PXN: variants seen among roughly 807,000 people sequenced by gnomAD.
The protein encoded by PXN is paxillin.
Under a neutral mutation model 103.6 loss-of-function variants are expected in PXN, and 61 were observed. The observed-to-expected ratio is 0.59, with a 90% CI of 0.48 to 0.73. The LOEUF (loss-of-function observed/expected upper bound fraction) is 0.73, where lower values mean the gene tolerates loss of function less well. Among genes scored for constraint, PXN ranks in the 30% least tolerant of loss-of-function variants. PXN has a pLI of 0.00. For synonymous variants in PXN, 562 were observed against 607.8 expected (o/e 0.92, Z 1.11); for missense variants, 1,274 against 1,460.3 (o/e 0.87, Z 2.08).
intron 1 of PXN, among the ~76,000 whole-genome samples, chr12:120,251,813 T>A (rs1394128912): frequency 1.3e-5 from 2 of 151,906 alleles, no homozygotes; most frequent in African/African-American, 4.8e-5. Context: ...CGAGACTTGG[T>A]CTCAAAAATA....
chr12:120,260,513 A>AG (rs1191983000), intron 1 of PXN, among the ~76,000 whole-genome samples: 2 of 151,398 alleles, frequency 1.3e-5, no homozygotes, highest in Admixed American at 1.3e-4. Context: ...AAAAAAAAAA[A>AG]AGAACAAAAG....
At position 120,219,656 on chromosome 12, in the gene PXN, T is replaced by A. The variant is rs1429902834; in HGVS notation, c.1267A>T (p.Ser423Cys). Residue 423 changes from serine (S) to cysteine (C), a missense_variant, in exon 7 of 15, where the codon AGC becomes TGC. Ser to Cys is a moderately radical substitution (Grantham distance 112, BLOSUM62 -1). Around this residue, in one of 2 missense-constraint regions of PXN, gnomAD observed 1,178 missense variants for 1,309.0 expected, o/e 0.90. Coordinates refer to ENST00000637617, the MANE Select transcript of PXN (RefSeq NM_001385981.1). The surrounding 1 kb of genome is among the most constrained non-coding windows in gnomAD (Gnocchi z 6.5). Reference protein sequence around the residue: ...EPGEPQGPPASPSCPEEALAA... With the variant: ...EPGEPQGPPACPSCPEEALAA... The stretch of plus-strand genomic sequence containing the variant: ...AAGGCCTCCTCTGGGCACGAAGGGC[T>A]GGCTGGTGGCCCCTGGGGCTCCCCA... 4 of 1,584,082 alleles carry A rather than the reference T, an allele frequency of 2.5e-6. No homozygotes were observed. The highest frequency in any genetic ancestry group is 3.4e-6 in the Non-Finnish European group (4 of 1,173,432).
rs1279660661 is a variant in PXN at position 120,215,256 on chromosome 12, C to T, written c.2421G>A (p.Lys807=). 1 of 1,587,662 alleles carries T rather than the reference C, an allele frequency of 6.3e-7. No homozygotes were observed. The highest frequency in any genetic ancestry group is 1.3e-5 in the African/African-American group (1 of 74,278). The change falls in exon 11 of 15, where the codon AAG becomes AAA. Residue 807 remains lysine, a synonymous_variant. Coordinates refer to ENST00000637617, the MANE Select transcript of PXN (RefSeq NM_001385981.1). This position sits in a 1 kb window ranked among gnomAD's most constrained non-coding sequence, Gnocchi z 4.9. ...CCCCAGGGGGTGAGCTGCTCCCTGTCTTCCCCTGGGCCATGAACTGTGGAC... is the reference window on the plus strand; with the variant it reads ...CCCCAGGGGGTGAGCTGCTCCCTGTTTTCCCCTGGGCCATGAACTGTGGAC... ...QDEGGFMAQG[K]TGSSSPPGGP...
At chr12:120,255,942 C>T (rs1489041007) in intron 1 of PXN, among the ~76,000 whole-genome samples, 7 of 46,088 alleles carry the variant, frequency 1.5e-4, no homozygotes, top group African/African-American at 3.7e-4. Flanking sequence ...TCAGCTACTG[C>T]GGACTGCGGG....
intron 1 of PXN, chr12:120,227,234 C>T: frequency 2.3e-6 from 2 of 858,584 alleles, no homozygotes; most frequent in South Asian, 5.3e-5. Flanking sequence ...GGTGTGGTGG[C>T]GCATGCCTAT....
rs150924792 is a variant in PXN at position 120,220,969 on chromosome 12, CTAAAT to C, written c.831+649_831+653del. Among the ~76,000 whole-genome samples the C allele has an allele frequency of 6.0e-3, 908 of 152,308 alleles. 8 individuals are homozygous for C. Among genetic ancestry groups the C allele is most frequent in the African/African-American group, 0.021 (865 of 41,560 alleles). Reference sequence around the variant, plus strand: ...AATCCCCAAGGAAACACTGAATCCTCTAAATTAAACATCTCAGGCCTGGCAGGACT... The same window carrying C: ...AATCCCCAAGGAAACACTGAATCCTCTAAACATCTCAGGCCTGGCAGGACT... On this transcript the variant is annotated intron_variant, in intron 6 of 14. Transcript: ENST00000637617. The surrounding 1 kb of genome is among the most constrained non-coding windows in gnomAD (Gnocchi z 6.1).
rs766596545 is a variant in PXN at position 120,215,033 on chromosome 12, G to A, written c.2575-35C>T. 1.2e-6 allele frequency: 2 copies of A among 1,605,816 alleles called. No homozygotes were observed. The highest frequency in any genetic ancestry group is 1.7e-6 in the Non-Finnish European group (2 of 1,176,234). The stretch of plus-strand genomic sequence containing the variant: ...AGATGGAATGCGGTCCAGGGCCAAG[G>A]CCAGCCCCGGAGCACCCCCACCCCT... On this transcript the variant is annotated intron_variant, in intron 11 of 14. Coordinates refer to ENST00000637617, the MANE Select transcript of PXN (RefSeq NM_001385981.1). The surrounding 1 kb of genome is among the most constrained non-coding windows in gnomAD (Gnocchi z 4.9).
rs562482853 is a variant in PXN, at chr12:120,220,491, G to A, written c.832-400C>T. On this transcript the variant is annotated intron_variant, in intron 6 of 14. Transcript: ENST00000637617. The surrounding 1 kb of genome is among the most constrained non-coding windows in gnomAD (Gnocchi z 6.1). Reference sequence around the variant, plus strand: ...TGGCCCAACTCGGCCATGTCCCTCCGGACAATCCCAGCTTTCCTACACCCC... The same window carrying A: ...TGGCCCAACTCGGCCATGTCCCTCCAGACAATCCCAGCTTTCCTACACCCC... Among the ~76,000 whole-genome samples the A allele has an allele frequency of 3.8e-4, 58 of 152,260 alleles. No homozygotes were observed. The highest frequency in any genetic ancestry group is 1.3e-3 in the African/African-American group (55 of 41,530).
At chr12:120,257,120 C>A (rs1241120825) in intron 1 of PXN, among the ~76,000 whole-genome samples, 1 of 152,164 alleles carries the variant, frequency 6.6e-6, no homozygotes, top group African/African-American at 2.4e-5. Context: ...GCCTGAAGCT[C>A]CCTGGAGCTC....
At chr12:120,236,516 C>T (rs186601441) in intron 1 of PXN, among the ~76,000 whole-genome samples, 74 of 145,562 alleles carry the variant, frequency 5.1e-4, no homozygotes, top group Admixed American at 2.9e-3. Flanking sequence ...CTCACTCTGT[C>T]GCCCAGGCTG....
At position 120,229,466 on chromosome 12, in the gene PXN, T is replaced by A. The variant is rs1007022979; in HGVS notation, c.14-5089A>T. Among the ~76,000 whole-genome samples, 1 of 152,156 alleles carries A rather than the reference T, an allele frequency of 6.6e-6. No homozygotes were observed. The highest frequency in any genetic ancestry group is 2.4e-5 in the African/African-American group (1 of 41,426). ...CTCTCCTCCCAGGCTCTGAGGACTT[T>A]CAGTGTTACAACTTGTACGGTGAAT... is the stretch of plus-strand genomic sequence containing the variant. On this transcript the variant is annotated intron_variant, in intron 1 of 14. Coordinates refer to ENST00000637617, the MANE Select transcript of PXN (RefSeq NM_001385981.1). The surrounding 1 kb of genome is among the most constrained non-coding windows in gnomAD (Gnocchi z 4.0).
rs1879973449 is a variant in PXN at position 120,210,758 on chromosome 12, GGAGTGGTTTGGACTGTCACCATTA to G, written c.*1532_*1555del. 6.5e-6 allele frequency: 1 copy of G among 152,744 alleles called. No individual in the cohort carries two copies. Among genetic ancestry groups the G allele is most frequent in the Admixed American group, 6.5e-5 (1 of 15,278 alleles). 9.5% of individuals were successfully genotyped at this position (152,744 alleles called of 1,614,324 possible). On this transcript the variant is annotated 3_prime_UTR_variant, in exon 15 of 15. Transcript: ENST00000637617. ...ACTCGGCTTCTGCCAGGAGGCCAGT[GGAGTGGTTTGGACTGTCACCATTA>G]GACCCCGGTGGGGCCCCTTTCTCCT...
rs1885176582 is a variant in PXN, at chr12:120,221,617, G to A, written c.831+6C>T. On this transcript the variant is annotated splice_donor_region_variant and intron_variant, in intron 6 of 14. Coordinates refer to ENST00000637617, the MANE Select transcript of PXN (RefSeq NM_001385981.1). The surrounding 1 kb of genome is among the most constrained non-coding windows in gnomAD (Gnocchi z 6.6). ...GGGCAGGGAAGATGGAGGGTTCACA[G>A]GGCACCTTGAAATCCGACAGCGAAG... The A allele has an allele frequency of 1.3e-6, 2 of 1,560,444 alleles. No individual in the cohort carries two copies. Among genetic ancestry groups the A allele is most frequent in the Admixed American group, 1.9e-5 (1 of 51,924 alleles).
chr12:120,214,455 G>A lies in PXN; in HGVS notation c.2749-238C>T, dbSNP rs1881800834. ...TCCTCACCCCAAGTAGAGGGCACAA[G>A]TTCTATGACTCCCATTTTATAAGTG... On this transcript the variant is annotated intron_variant, in intron 12 of 14. Transcript: ENST00000637617. This position sits in a 1 kb window ranked among gnomAD's most constrained non-coding sequence, Gnocchi z 5.0. Among the ~76,000 whole-genome samples the A allele has an allele frequency of 1.3e-5, 2 of 152,182 alleles. No homozygotes were observed. The highest frequency in any genetic ancestry group is 4.8e-5 in the African/African-American group (2 of 41,430).
At position 120,221,746 on chromosome 12, in the gene PXN, A is replaced by G. The variant is rs1885218737; in HGVS notation, c.708T>C (p.Thr236=). 6.4e-7 allele frequency: 1 copy of G among 1,571,834 alleles called. No individual in the cohort carries two copies. Among genetic ancestry groups the G allele is most frequent in the African/African-American group, 1.3e-5 (1 of 74,170 alleles). The change falls in exon 6 of 15, where the codon ACT becomes ACC. Residue 236 remains threonine, a synonymous_variant. Coordinates refer to ENST00000637617, the MANE Select transcript of PXN (RefSeq NM_001385981.1). The surrounding 1 kb of genome is among the most constrained non-coding windows in gnomAD (Gnocchi z 6.6). ...GGCTGCTCATCTCGCCCTGGTTCACAGTGATGGCAGGGCTGCAGGGTGGGC... is the reference window on the plus strand; with the variant it reads ...GGCTGCTCATCTCGCCCTGGTTCACGGTGATGGCAGGGCTGCAGGGTGGGC... ...SSVPSPVPAI[T]VNQGEMSSPQ...
rs1487654594 is a variant in PXN, at chr12:120,216,122, C to T, written c.2301+151G>A. The T allele has an allele frequency of 2.9e-5, 37 of 1,281,210 alleles. No homozygotes were observed. The highest frequency in any genetic ancestry group is 6.1e-5 in the East Asian group (2 of 32,650). The allele number at this position is 1,281,210 out of a possible 1,614,324, so 79.4% of individuals were successfully genotyped here. On this transcript the variant is annotated intron_variant, in intron 9 of 14. Transcript: ENST00000637617. The surrounding 1 kb of genome is among the most constrained non-coding windows in gnomAD (Gnocchi z 5.1). ...GGGGGAAGACCGGGGTCAAGGTTTA[C>T]GGCAGGACTGTGGTTACTGTGCTGG...
Position 120,214,232 on chromosome 12 carries a change from T to C in PXN, c.2749-15A>G, listed in dbSNP as rs913334820. 47 of 1,549,514 alleles carry C rather than the reference T, an allele frequency of 3.0e-5. No individual in the cohort carries two copies. The highest frequency in any genetic ancestry group is 3.7e-5 in the Non-Finnish European group (42 of 1,145,406). On this transcript the variant is annotated splice_polypyrimidine_tract_variant and intron_variant, in intron 12 of 14. Transcript: ENST00000637617. This position sits in a 1 kb window ranked among gnomAD's most constrained non-coding sequence, Gnocchi z 5.0. ...GTCACCACTTTCTGTGAAAGCAAAATGTGGGATCAAGGCTGAGCTCTGGGC... is the reference window on the plus strand; with the variant it reads ...GTCACCACTTTCTGTGAAAGCAAAACGTGGGATCAAGGCTGAGCTCTGGGC...
Position 120,214,819 on chromosome 12 carries a change from A to T in PXN, c.2748+6T>A, listed in dbSNP as rs1882062393. ...AAGCGGGCGCGGTGCCGGATGAGGA[A>T]CTCACATCCAGGATGGGGCCGTTGC... On this transcript the variant is annotated splice_donor_region_variant and intron_variant, in intron 12 of 14. Coordinates refer to ENST00000637617, the MANE Select transcript of PXN (RefSeq NM_001385981.1). This position sits in a 1 kb window ranked among gnomAD's most constrained non-coding sequence, Gnocchi z 5.0. The T allele has an allele frequency of 6.2e-7, 1 of 1,613,652 alleles. No individual in the cohort carries two copies.
In PXN at chr12:120,214,163, G is replaced by A. The variant is rs1471517254; in HGVS notation, c.2803C>T (p.Gln935Ter). Residue 935 changes from glutamine (Q) to a stop codon, truncating the protein, a stop_gained, in exon 13 of 15, where the codon CAG becomes TAG. Coordinates refer to ENST00000637617, the MANE Select transcript of PXN (RefSeq NM_001385981.1). LOFTEE classifies it high-confidence loss of function. This position sits in a 1 kb window ranked among gnomAD's most constrained non-coding sequence, Gnocchi z 5.0. ...TWHPEHFFCA[Q>*]CGAFFGPEGF... Reference sequence around the variant, plus strand: ...TCGGGACCAAAGAAGGCTCCACACTGTGCACAGAAGAAGTGTTCAGGGTGC... The same window carrying A: ...TCGGGACCAAAGAAGGCTCCACACTATGCACAGAAGAAGTGTTCAGGGTGC... 6.4e-7 allele frequency: 1 copy of A among 1,552,294 alleles called. No homozygotes were observed. Among genetic ancestry groups the A allele is most frequent in the Non-Finnish European group, 8.7e-7 (1 of 1,147,516 alleles).
Sources: allele counts gnomAD v4.1 joint callset (sites outside exome capture counted in the v4.1 genomes callset), GRCh38; gene constraint gnomAD v4.1.1; regional missense constraint gnomAD v4.1.1; non-coding constraint Gnocchi (gnomAD v3.1); transcripts MANE v1.5; gene names NCBI Gene and HGNC (gene_info 2026-07-23, HGNC 2026-07-21).